Variants in NRP1 observed in about 807,000 individuals in gnomAD.
NRP1 encodes the protein neuropilin-1.
In NRP1, 35 loss-of-function variants were observed where a neutral mutation model predicts 106.7. That is an observed-to-expected ratio of 0.33 (90% CI 0.25 to 0.43). NRP1 has a LOEUF of 0.43. NRP1 is among the 20% of genes least tolerant of loss of function. The probability of loss-of-function intolerance (pLI) is 1.00; values close to 1 mark genes in which losing one functional copy is unlikely to be tolerated. For synonymous variants in NRP1, 437 were observed against 417.9 expected, an observed-to-expected ratio of 1.05 and a Z score of -0.56; for missense variants, 1,024 against 1,170.4, an observed-to-expected ratio of 0.87 and a Z score of 1.83.
intron 2 of NRP1, among the ~76,000 whole-genome samples, chr10:33,299,413 C>A (rs1367630748): frequency 1.3e-5 from 2 of 152,186 alleles, no homozygotes; most frequent in African/African-American, 4.8e-5. Context: ...CTGATCCTTG[C>A]CTGACAACCA....
chr10:33,214,100 G>A (rs147045367), intron 8 of NRP1, among the ~76,000 whole-genome samples: 4 of 152,268 alleles, frequency 2.6e-5, no homozygotes, highest in East Asian at 1.9e-4. Context: ...AAGTCAATCC[G>A]ATAGCAGGAA....
intron 2 of NRP1, among the ~76,000 whole-genome samples, chr10:33,294,325 A>G (rs1030437244): frequency 6.6e-6 from 1 of 152,156 alleles, no homozygotes; most frequent in Non-Finnish European, 1.5e-5. Context: ...CTTTATCAAA[A>G]TCTATGTCCT....
At chr10:33,270,901 C>T (rs373436800) in intron 2 of NRP1, 45 bp from the exon 3 acceptor site, 17 of 1,489,906 alleles carry the variant, frequency 1.1e-5, no homozygotes, top group African/African-American at 2.8e-5. Context: ...GTGAGAAATG[C>T]CCTTTTAATT....
intron 11 of NRP1, chr10:33,202,580 GAAAATAA>G (rs1564376055): frequency 4.5e-6 from 4 of 879,902 alleles, no homozygotes; most frequent in Non-Finnish European, 5.9e-6. Context: ...GGGGGGGTCT[GAAAATAA>G]TGAAAATAAG....
At chr10:33,298,637 T>A (rs1845584117) in intron 2 of NRP1, among the ~76,000 whole-genome samples, 1 of 152,210 alleles carries the variant, frequency 6.6e-6, no homozygotes, top group Admixed American at 6.5e-5. Flanking sequence ...CATGTTGGTT[T>A]TGGCATCAGA....
In NRP1 at chr10:33,271,370, T is replaced by C. The variant is rs1843301805; in HGVS notation, c.249-514A>G. On this transcript the variant is annotated intron_variant, in intron 2 of 16. Coordinates refer to ENST00000374867, the MANE Select transcript of NRP1 (RefSeq NM_003873.7). ...ATAAACAGATTCTTTACTATTTAAC[T>C]GCATTCCACCAAACTCCAGACTTCT... 1.3e-5 allele frequency among the ~76,000 whole-genome samples: 2 copies of C among 152,238 alleles called. 1 individual carries two copies. Among genetic ancestry groups the C allele is most frequent in the South Asian group, 4.1e-4 (2 of 4,830 alleles).
At chr10:33,194,887 G>C in intron 12 of NRP1, 4 of 415,774 alleles carry the variant, frequency 9.6e-6, no homozygotes, top group Non-Finnish European at 1.9e-5. Context: ...AGAGAAAAAA[G>C]CAAATTAATG....
chr10:33,306,355 G>GGTGTGTGTGTGT lies in NRP1; in HGVS notation c.248+24341_248+24352dup, dbSNP rs61242197. 6.5e-3 allele frequency among the ~76,000 whole-genome samples: 964 copies of GGTGTGTGTGTGT among 148,130 alleles called. 4 individuals carry two copies. Among genetic ancestry groups the GGTGTGTGTGTGT allele is most frequent in the African/African-American group, 0.013 (534 of 40,236 alleles). On this transcript the variant is annotated intron_variant, in intron 2 of 16. Transcript: ENST00000374867. ...GCTTTTGCATTCTGCGGGTCAGAAG[G>GGTGTGTGTGTGT]GTGTGTGTGTGTGTGTGTGTGTGTG...
At chr10:33,325,602 T>C (rs764629742) in intron 2 of NRP1, among the ~76,000 whole-genome samples, 7 of 152,156 alleles carry the variant, frequency 4.6e-5, no homozygotes, top group Admixed American at 1.3e-4. Context: ...AAGTTTATAT[T>C]CTCTGAAAAT....
chr10:33,190,442 G>A (rs1836325306), intron 13 of NRP1, among the ~76,000 whole-genome samples: 1 of 152,214 alleles, frequency 6.6e-6, no homozygotes, highest in East Asian at 1.9e-4. Context: ...ATTTGAAGGA[G>A]TCCAATTTTA....
At chr10:33,285,621 G>C (rs1844470458) in intron 2 of NRP1, among the ~76,000 whole-genome samples, 1 of 152,226 alleles carries the variant, frequency 6.6e-6, no homozygotes, top group African/African-American at 2.4e-5. Flanking sequence ...CCTGAGGTCA[G>C]GAGTTTGAGA....
At chr10:33,319,649 C>T (rs147834119) in intron 2 of NRP1, among the ~76,000 whole-genome samples, 1,843 of 147,812 alleles carry the variant, frequency 0.012, 45 homozygotes, top group African/African-American at 0.045. Context: ...TGCATTGGCA[C>T]GATCTCGGCT....
chr10:33,272,779 C>T (rs1366861949), intron 2 of NRP1, among the ~76,000 whole-genome samples: 3 of 152,078 alleles, frequency 2.0e-5, no homozygotes, highest in Non-Finnish European at 2.9e-5. Flanking sequence ...GGCCTGGCGA[C>T]GGTGCATCCA....
At chr10:33,182,782 G>A (rs367917050) in intron 15 of NRP1, 34 bp from the exon 16 acceptor site, 4 of 1,521,126 alleles carry the variant, frequency 2.6e-6, no homozygotes, top group African/African-American at 2.8e-5. Flanking sequence ...AGAGATATTT[G>A]AACTGCCATC....
chr10:33,243,214 G>A (rs1013248881), intron 6 of NRP1, among the ~76,000 whole-genome samples: 1 of 152,062 alleles, frequency 6.6e-6, no homozygotes, highest in South Asian at 2.1e-4. Flanking sequence ...CAACCTGAAC[G>A]ATTATTTGAT....
intron 2 of NRP1, among the ~76,000 whole-genome samples, chr10:33,289,485 T>G (rs1844829794): frequency 6.6e-6 from 1 of 152,186 alleles, no homozygotes; most frequent in African/African-American, 2.4e-5. Flanking sequence ...GACTCCTGTT[T>G]AGAGAAATAA....
chr10:33,319,351 A>G (rs1387898042), intron 2 of NRP1, among the ~76,000 whole-genome samples: 1 of 151,916 alleles, frequency 6.6e-6, no homozygotes, highest in Non-Finnish European at 1.5e-5. Flanking sequence ...TGCACCAATC[A>G]GTGCTCTGTA....
At chr10:33,258,172 C>T (rs943665906) in intron 4 of NRP1, among the ~76,000 whole-genome samples, 2 of 152,172 alleles carry the variant, frequency 1.3e-5, no homozygotes, top group African/African-American at 4.8e-5. Flanking sequence ...GGCAGCAAAT[C>T]GGAGCCACTG....
chr10:33,210,862 A>G (rs1838244805), intron 9 of NRP1, among the ~76,000 whole-genome samples: 1 of 152,210 alleles, frequency 6.6e-6, no homozygotes, highest in African/African-American at 2.4e-5. Flanking sequence ...TAAAATCTTG[A>G]TATGATTAAA....
Sources: allele counts gnomAD v4.1 joint callset (sites outside exome capture counted in the v4.1 genomes callset), GRCh38; gene constraint gnomAD v4.1.1; transcripts MANE v1.5; gene names NCBI Gene and HGNC (gene_info 2026-07-23, HGNC 2026-07-21).